The following CAST variants were observed in gnomAD, a reference collection of about 807,000 sequenced individuals.
CAST encodes MIR583 host.
CAST carries 76 observed loss-of-function variants against 119.6 expected under a neutral mutation model. The ratio of observed to expected loss-of-function variants is 0.64; its 90% CI spans 0.53 to 0.77. The LOEUF is 0.77. Among genes scored for constraint, CAST ranks in the 30% least tolerant of loss-of-function variants. The pLI is 0.00. For missense variants in CAST, 953 were observed against 946.5 expected, an observed-to-expected ratio of 1.01 and a Z score of -0.09; for synonymous variants, 319 against 331.6, an observed-to-expected ratio of 0.96 and a Z score of 0.41.
At chr5:96,521,659 C>T (rs998086793), upstream of CAST, among the ~76,000 whole-genome samples, 3 of 152,184 alleles carry the variant, frequency 2.0e-5, no homozygotes, top group Admixed American at 2.0e-4. Flanking sequence ...TCTCCTCACT[C>T]AATAGACCTT....
At chr5:96,742,608 C>A in intron 15 of CAST, 47 bp from the exon 16 acceptor site, 2 of 1,158,770 alleles carry the variant, frequency 1.7e-6, no homozygotes, top group Non-Finnish European at 2.6e-6. Flanking sequence ...ATTGTTCGGG[C>A]TCCAGAGATG....
chr5:96,356,685 G>C, the CAST span, among the ~76,000 whole-genome samples: 2 of 152,062 alleles, frequency 1.3e-5, no homozygotes, highest in Non-Finnish European at 2.9e-5. Flanking sequence ...CTGTTCCATT[G>C]GTTATATATC....
At chr5:95,961,550 C>T in the CAST span, 1 of 1,557,570 alleles carries the variant, frequency 6.4e-7, no homozygotes, top group Non-Finnish European at 8.7e-7. Flanking sequence ...CTCTCTGAGC[C>T]CAGCCTGCCG....
chr5:96,464,808 GTTGGC>G, the CAST span, among the ~76,000 whole-genome samples: 2 of 152,044 alleles, frequency 1.3e-5, no homozygotes, highest in Admixed American at 6.6e-5. Context: ...ATACAACATT[GTTGGC>G]TACAGATTTG....
At chr5:96,312,875 T>G in the CAST span, among the ~76,000 whole-genome samples, 8 of 152,062 alleles carry the variant, frequency 5.3e-5, no homozygotes, top group Admixed American at 5.2e-4. Context: ...GAAAATAACT[T>G]AAGTGACCTT....
chr5:96,044,812 G>T, the CAST span, among the ~76,000 whole-genome samples: 1 of 152,178 alleles, frequency 6.6e-6, no homozygotes, highest in Non-Finnish European at 1.5e-5. Flanking sequence ...ATACAGCAAT[G>T]AGAATGAATG....
the CAST span, among the ~76,000 whole-genome samples, chr5:96,220,900 A>G: frequency 2.7e-4 from 41 of 152,302 alleles, no homozygotes; most frequent in African/African-American, 9.9e-4. Flanking sequence ...CTTTGTCGGT[A>G]TGATATTAGT....
chr5:96,315,703 A>G, the CAST span, among the ~76,000 whole-genome samples: 1 of 152,310 alleles, frequency 6.6e-6, no homozygotes, highest in East Asian at 1.9e-4. Context: ...AACTGCTTTG[A>G]CCAATGGAAT....
the CAST span, among the ~76,000 whole-genome samples, chr5:96,250,632 G>A: frequency 1.7e-4 from 26 of 152,080 alleles, no homozygotes; most frequent in African/African-American, 5.8e-4. Context: ...TTTAAGCAAG[G>A]TTTTCTTGCT....
At chr5:96,413,844 G>A in the CAST span, among the ~76,000 whole-genome samples, 1 of 148,792 alleles carries the variant, frequency 6.7e-6, no homozygotes, top group African/African-American at 2.5e-5. Context: ...AATCGGCCAG[G>A]TGCGGTGGCT....
the CAST span, among the ~76,000 whole-genome samples, chr5:96,491,087 T>C: frequency 1.3e-5 from 2 of 151,864 alleles, no homozygotes; most frequent in Non-Finnish European, 2.9e-5. Context: ...AGAGGCACTT[T>C]ACAAAAGAGA....
At chr5:96,504,852 G>A in the CAST span, among the ~76,000 whole-genome samples, 73 of 152,258 alleles carry the variant, frequency 4.8e-4, 2 homozygotes, top group African/African-American at 9.6e-5. Context: ...TAGAAATTTC[G>A]TATAAATGGA....
the CAST span, among the ~76,000 whole-genome samples, chr5:96,000,675 G>T: frequency 6.6e-6 from 1 of 152,112 alleles, no homozygotes; most frequent in African/African-American, 2.4e-5. Context: ...TAAAATCAAG[G>T]GAGTGGCTTT....
chr5:95,961,606 A>T, the CAST span: 1 of 1,604,922 alleles, frequency 6.2e-7, no homozygotes, highest in Non-Finnish European at 8.5e-7. Context: ...GAGCGCCCGG[A>T]TCGCCGTCTC....
chr5:96,019,422 A>G, the CAST span, among the ~76,000 whole-genome samples: 1 of 152,148 alleles, frequency 6.6e-6, no homozygotes, highest in Non-Finnish European at 1.5e-5. Flanking sequence ...CTCCCTCTGT[A>G]TTATAGCCAT....
At chr5:96,007,171 C>T in the CAST span, among the ~76,000 whole-genome samples, 2 of 152,128 alleles carry the variant, frequency 1.3e-5, no homozygotes, top group Non-Finnish European at 2.9e-5. Context: ...GGACTTCCTG[C>T]CTATGGGACA....
chr5:96,180,335 CA>C, the CAST span, among the ~76,000 whole-genome samples: 10 of 152,216 alleles, frequency 6.6e-5, no homozygotes, highest in African/African-American at 1.9e-4. Context: ...CATAGTACAC[CA>C]GGGGAGGTGT....
At chr5:96,620,570 C>G (rs1311312373) in intron 1 of CAST, among the ~76,000 whole-genome samples, 1 of 152,066 alleles carries the variant, frequency 6.6e-6, no homozygotes, top group African/African-American at 2.4e-5. Flanking sequence ...TTCTGAACAC[C>G]TTTAAGATAT....
At chr5:96,746,300 G>A (rs1159109909) in intron 16 of CAST, 42 bp from the exon 17 acceptor site, 4 of 1,067,650 alleles carry the variant, frequency 3.7e-6, no homozygotes, top group Admixed American at 1.7e-5. Flanking sequence ...CTCATTATGT[G>A]CATTATCCAA....
Sources: gnomAD v4.1 joint callset for allele counts (sites outside exome capture counted in the v4.1 genomes callset) on GRCh38, gnomAD v4.1.1 for gene constraint, MANE v1.5 for transcripts, NCBI Gene and HGNC (gene_info 2026-07-23, HGNC 2026-07-21) for gene names.